Variants in KLF8 observed in about 807,000 individuals in gnomAD.
KLF8 encodes the protein KLF transcription factor 8.
KLF8 carries 10 observed loss-of-function variants against 18.2 expected under a neutral mutation model. The observed-to-expected ratio is 0.55, with a 90% CI of 0.34 to 0.93. KLF8 has a LOEUF of 0.93. Among genes scored for constraint, KLF8 ranks in the 40% least tolerant of loss-of-function variants. KLF8 has a pLI of 0.02. For missense variants in KLF8, 264 were observed against 277.9 expected (o/e 0.95, Z 0.36); for synonymous variants, 109 against 97.3 (o/e 1.12, Z -0.71).
the KLF8 span, among the ~76,000 whole-genome samples, chrX:56,174,424 C>G: frequency 2.0e-3 from 219 of 111,891 alleles, 1 homozygote; most frequent in Middle Eastern, 9.2e-3. Flanking sequence ...GTTGAACCAG[C>G]CTTGCATCCC....
At chrX:56,029,323 A>G in the KLF8 span, among the ~76,000 whole-genome samples, 1 of 111,753 alleles carries the variant, frequency 8.9e-6, no homozygotes, top group Admixed American at 9.5e-5. Flanking sequence ...GGTGGCTCTC[A>G]GCTTGCTAAG....
the KLF8 span, among the ~76,000 whole-genome samples, chrX:56,109,644 G>T: frequency 9.0e-6 from 1 of 111,079 alleles, no homozygotes; most frequent in Non-Finnish European, 1.9e-5. Context: ...ATCAGTGTTT[G>T]CATATAATTT....
chrX:55,949,805 A>C, the KLF8 span, among the ~76,000 whole-genome samples: 4 of 110,056 alleles, frequency 3.6e-5, no homozygotes, highest in Non-Finnish European at 7.6e-5. Context: ...AAAAAAGAAA[A>C]GAAAAGAAAA....
chrX:56,088,523 A>G, the KLF8 span, among the ~76,000 whole-genome samples: 1 of 111,844 alleles, frequency 8.9e-6, no homozygotes, highest in Non-Finnish European at 1.9e-5. Flanking sequence ...TTCTGAGCTC[A>G]TAAGGCAGTA....
the KLF8 span, among the ~76,000 whole-genome samples, chrX:56,142,584 C>A: frequency 9.0e-6 from 1 of 111,683 alleles, no homozygotes; most frequent in Non-Finnish European, 1.9e-5. Context: ...TAAAACCATA[C>A]CCCTGAAATT....
At chrX:55,998,585 T>G in the KLF8 span, among the ~76,000 whole-genome samples, 1 of 111,954 alleles carries the variant, frequency 8.9e-6, no homozygotes, top group Non-Finnish European at 1.9e-5. Context: ...ACAGCACATG[T>G]TTCAGAGAGC....
the KLF8 span, among the ~76,000 whole-genome samples, chrX:56,162,963 A>G: frequency 2.7e-4 from 30 of 112,039 alleles, no homozygotes; most frequent in Non-Finnish European, 4.1e-4. Context: ...CATGGTGTTT[A>G]TGTACCATAT....
chrX:56,254,424 A>G (rs1018714130), intron 2 of KLF8, among the ~76,000 whole-genome samples: 1 of 110,840 alleles, frequency 9.0e-6, no homozygotes, highest in African/African-American at 3.3e-5. Context: ...GGTGCCTGCG[A>G]CCCTTGAAGC....
chrX:56,067,737 C>G, the KLF8 span, among the ~76,000 whole-genome samples: 1 of 112,100 alleles, frequency 8.9e-6, no homozygotes, highest in Non-Finnish European at 1.9e-5. Context: ...CCCCTTCCCC[C>G]GTCCCCCTCC....
At chrX:56,102,184 C>T in the KLF8 span, among the ~76,000 whole-genome samples, 1 of 111,196 alleles carries the variant, frequency 9.0e-6, no homozygotes, top group Admixed American at 9.6e-5. Flanking sequence ...GCCAGTTATC[C>T]CAGCACCATT....
chrX:55,956,405 G>T, the KLF8 span, among the ~76,000 whole-genome samples: 1 of 110,686 alleles, frequency 9.0e-6, no homozygotes, highest in Non-Finnish European at 1.9e-5. Flanking sequence ...GATTTTTTTT[G>T]TATATACACC....
the KLF8 span, chrX:56,074,535 G>A: frequency 1.2e-3 from 134 of 111,875 alleles, no homozygotes; most frequent in South Asian, 0.047. Context: ...ACCATTTATT[G>A]AAAAGATTAT....
chrX:56,175,050 C>A, the KLF8 span, among the ~76,000 whole-genome samples: 1 of 108,732 alleles, frequency 9.2e-6, no homozygotes, highest in Non-Finnish European at 1.9e-5. Context: ...AAAATCAGCT[C>A]CTGGATTCAT....
At chrX:55,956,188 C>G in the KLF8 span, among the ~76,000 whole-genome samples, 6 of 106,606 alleles carry the variant, frequency 5.6e-5, no homozygotes, top group Admixed American at 1.0e-4. Flanking sequence ...ATCTATCTAT[C>G]TATGTATCTA....
At chrX:55,928,418 G>T in the KLF8 span, among the ~76,000 whole-genome samples, 15 of 110,433 alleles carry the variant, frequency 1.4e-4, no homozygotes, top group South Asian at 3.9e-4. Flanking sequence ...GAACGTGCAG[G>T]TTTGTGACAT....
the KLF8 span, among the ~76,000 whole-genome samples, chrX:56,142,726 TC>T: frequency 1.8e-5 from 2 of 111,748 alleles, no homozygotes; most frequent in Non-Finnish European, 3.8e-5. Flanking sequence ...TTCATTCTTC[TC>T]CATTTCAAAT....
chrX:56,247,597 TA>T (rs761216448), intron 1 of KLF8, among the ~76,000 whole-genome samples: 10 of 111,696 alleles, frequency 9.0e-5, no homozygotes, highest in South Asian at 7.4e-4. Context: ...TATTGTTAAT[TA>T]TTTTTTTTTT....
chrX:56,247,424 G>C (rs772704295), intron 1 of KLF8, among the ~76,000 whole-genome samples: 31 of 111,685 alleles, frequency 2.8e-4, no homozygotes, highest in Non-Finnish European at 5.5e-4. Context: ...CCTTACTTTA[G>C]ACTTTTTAAA....
chrX:56,070,704 T>A, the KLF8 span, among the ~76,000 whole-genome samples: 3 of 111,598 alleles, frequency 2.7e-5, no homozygotes, highest in African/African-American at 9.8e-5. Flanking sequence ...GGTCAATAGG[T>A]GCAGCAAACC....
Sources: gnomAD v4.1 joint callset for allele counts (sites outside exome capture counted in the v4.1 genomes callset) on GRCh38, gnomAD v4.1.1 for gene constraint, MANE v1.5 for transcripts, NCBI Gene and HGNC (gene_info 2026-07-23, HGNC 2026-07-21) for gene names.